Variants in GOLM2 observed in about 807,000 individuals in gnomAD.
GOLM2 encodes golgi membrane protein 2.
A neutral mutation model predicts 55.9 loss-of-function variants in GOLM2; 26 were observed. The observed-to-expected ratio is 0.47, with a 90% CI of 0.34 to 0.65. GOLM2 has a LOEUF of 0.65. GOLM2 is among the 30% of genes least tolerant of loss of function. The probability of loss-of-function intolerance (pLI) is 0.01; values close to 1 mark genes in which losing one functional copy is unlikely to be tolerated. For synonymous variants in GOLM2, 165 were observed against 194.6 expected (o/e 0.85, Z 1.27); for missense variants, 486 against 531.8 (o/e 0.91, Z 0.85).
intron 8 of GOLM2, chr15:44,387,494 G>A (rs542686619): frequency 2.6e-5 from 4 of 152,136 alleles, no homozygotes; most frequent in Non-Finnish European, 4.4e-5. Flanking sequence ...CTGGCCTGAT[G>A]GCTCATGCCT....
chr15:44,365,554 A>G (rs1003744953), intron 6 of GOLM2, among the ~76,000 whole-genome samples: 3 of 152,252 alleles, frequency 2.0e-5, no homozygotes, highest in East Asian at 3.9e-4. Context: ...TTAAATGCAT[A>G]TTACTAAATG....
intron 2 of GOLM2, 53 bp from the exon 3 acceptor site, chr15:44,328,632 A>G: frequency 8.4e-7 from 1 of 1,185,460 alleles, no homozygotes; most frequent in Non-Finnish European, 1.2e-6. Flanking sequence ...TCTGAATAGG[A>G]AGCATTACAA....
At chr15:44,403,176 CT>C in intron 9 of GOLM2, 122 bp downstream of exon 9, 1 of 1,167,200 alleles carries the variant, frequency 8.6e-7, no homozygotes, top group Non-Finnish European at 1.2e-6. Flanking sequence ...TTTGTTTTTT[CT>C]TTGTGACGGA....
At chr15:44,337,694 A>G in intron 4 of GOLM2, 69 bp from the exon 5 acceptor site, 1 of 1,133,128 alleles carries the variant, frequency 8.8e-7, no homozygotes, top group Non-Finnish European at 1.2e-6. Flanking sequence ...CAGAACATTT[A>G]ATTAATAGTT....
chr15:44,313,000 A>G (rs2078884573), intron 1 of GOLM2, among the ~76,000 whole-genome samples: 1 of 151,934 alleles, frequency 6.6e-6, no homozygotes, highest in African/African-American at 2.4e-5. Context: ...AATCATTTGA[A>G]CTCAGGAGGC....
chr15:44,304,747 G>A (rs1230838956), intron 1 of GOLM2, among the ~76,000 whole-genome samples: 3 of 152,124 alleles, frequency 2.0e-5, no homozygotes, highest in African/African-American at 4.8e-5. Context: ...GTAGACCAGG[G>A]TCTTGCTATG....
chr15:44,291,065 A>AGTGCT (rs963828175), intron 1 of GOLM2, among the ~76,000 whole-genome samples: 3 of 147,626 alleles, frequency 2.0e-5, no homozygotes, highest in African/African-American at 7.5e-5. Context: ...AGCCTCCCAA[A>AGTGCT]GTGCTGGGAT....
chr15:44,295,732 C>T (rs934405568), intron 1 of GOLM2, among the ~76,000 whole-genome samples: 10 of 152,248 alleles, frequency 6.6e-5, no homozygotes, highest in African/African-American at 2.4e-4. Flanking sequence ...TGCACACATC[C>T]TTGGTGTCTT....
rs547966763 is a variant in GOLM2 at position 44,324,639 on chromosome 15, A to G, written c.382+1620A>G. Among the ~76,000 whole-genome samples, 231 of 152,238 alleles carry G rather than the reference A, an allele frequency of 1.5e-3. 1 individual carries two copies. The highest frequency in any genetic ancestry group is 5.2e-3 in the African/African-American group (214 of 41,550). On this transcript the variant is annotated intron_variant, in intron 2 of 9. Transcript: ENST00000299957. Reference sequence around the variant, plus strand: ...AAATAAAGGAAAGTTGGTTTTTTCAATCATTGAGGTAATAAATTGACATTC... The same window carrying G: ...AAATAAAGGAAAGTTGGTTTTTTCAGTCATTGAGGTAATAAATTGACATTC...
In GOLM2 at chr15:44,289,088, T is replaced by G; in HGVS notation, c.59T>G (p.Val20Gly). 2 of 1,614,074 alleles carry G rather than the reference T, an allele frequency of 1.2e-6. No homozygotes were observed. Residue 20 changes from valine (V) to glycine (G), a missense_variant, in exon 1 of 10, where the codon GTG (valine) becomes GGG (glycine). Physicochemically the swap from Val to Gly is moderately radical, Grantham distance 109. Coordinates refer to ENST00000299957, the MANE Select transcript of GOLM2 (RefSeq NM_138423.4). This position sits in a 1 kb window ranked among gnomAD's most constrained non-coding sequence, Gnocchi z 4.8. Reference sequence around the variant, plus strand: ...CGCCTGCCCTCTCTCGTGCTGGTGGTGCTGCTGGTGGTGATCGTCGTCCTC... The same window carrying G: ...CGCCTGCCCTCTCTCGTGCTGGTGGGGCTGCTGGTGGTGATCGTCGTCCTC... Reference protein sequence around the residue: ...AGRLPSLVLVVLLVVIVVLAF... With the variant: ...AGRLPSLVLVGLLVVIVVLAF...
intron 6 of GOLM2, among the ~76,000 whole-genome samples, chr15:44,342,815 T>G (rs2079098274): frequency 6.6e-6 from 1 of 152,228 alleles, no homozygotes; most frequent in African/African-American, 2.4e-5. Flanking sequence ...AGTAAATGTG[T>G]ATGGTTGAAT....
chr15:44,332,636 A>G lies in GOLM2; in HGVS notation c.576+558A>G, dbSNP rs1595630824. On this transcript the variant is annotated intron_variant, in intron 4 of 9. Coordinates refer to ENST00000299957, the MANE Select transcript of GOLM2 (RefSeq NM_138423.4). Reference sequence around the variant, plus strand: ...AAAAAATAATTTTTGTTGTTAATATATTTCTCAGATTGTAAAGTGGGCAAC... The same window carrying G: ...AAAAAATAATTTTTGTTGTTAATATGTTTCTCAGATTGTAAAGTGGGCAAC... 2.0e-5 allele frequency among the ~76,000 whole-genome samples: 3 copies of G among 152,228 alleles called. No individual in the cohort carries two copies. The South Asian group carries it at 6.2e-4, about 32-fold the overall frequency.
chr15:44,326,528 A>G (rs1357484349), intron 2 of GOLM2, among the ~76,000 whole-genome samples: 1 of 151,834 alleles, frequency 6.6e-6, no homozygotes, highest in Non-Finnish European at 1.5e-5. Flanking sequence ...TCCTACTGTC[A>G]GACACATTCA....
intron 9 of GOLM2, 51 bp downstream of exon 9, chr15:44,403,105 T>G (rs574180949): frequency 6.2e-7 from 1 of 1,602,458 alleles, no homozygotes; most frequent in African/African-American, 1.3e-5. Context: ...CACCTCTAAG[T>G]TTTTTGGTTG....
intron 1 of GOLM2, among the ~76,000 whole-genome samples, chr15:44,310,502 CCACACACA>C (rs34821071): frequency 2.4e-5 from 3 of 124,692 alleles, no homozygotes; most frequent in Admixed American, 1.6e-4. Context: ...ACACACACAC[CCACACACA>C]CACACACACA....
chr15:44,359,931 A>C (rs550507974), intron 6 of GOLM2, among the ~76,000 whole-genome samples: 2 of 152,086 alleles, frequency 1.3e-5, no homozygotes, highest in Non-Finnish European at 2.9e-5. Context: ...TTCAACCCAG[A>C]ATTTCATATC....
intron 8 of GOLM2, among the ~76,000 whole-genome samples, chr15:44,388,408 G>T (rs2079463306): frequency 6.6e-6 from 1 of 152,040 alleles, no homozygotes; most frequent in South Asian, 2.1e-4. Context: ...TGGCACAGTG[G>T]CCCATGCCTG....
At position 44,415,212 on chromosome 15, in the gene GOLM2, A is replaced by C. The variant is rs1184826286; in HGVS notation, c.*1806A>C. 1 of 152,664 alleles carries C rather than the reference A, an allele frequency of 6.6e-6. No individual in the cohort carries two copies. The highest frequency in any genetic ancestry group is 1.5e-5 in the Non-Finnish European group (1 of 68,044). 9.5% of individuals were successfully genotyped at this position (152,664 alleles called of 1,614,324 possible). A position where few individuals can be genotyped will look rare whatever the true frequency, so the allele number is the denominator to read the frequency against. On this transcript the variant is annotated 3_prime_UTR_variant, in exon 10 of 10. Coordinates refer to ENST00000299957, the MANE Select transcript of GOLM2 (RefSeq NM_138423.4). ...TCTACCATATCAAATTAAACAATTC[A>C]TGCCTTTATAGGGTCAGGCCTACAA...
intron 1 of GOLM2, among the ~76,000 whole-genome samples, chr15:44,319,942 A>G (rs2078938113): frequency 6.6e-6 from 1 of 152,316 alleles, no homozygotes; most frequent in South Asian, 2.1e-4. Context: ...GTACCATAAA[A>G]TTTATCCTGT....
Sources: gnomAD v4.1 joint callset for allele counts (sites outside exome capture counted in the v4.1 genomes callset) on GRCh38, gnomAD v4.1.1 for gene constraint, Gnocchi (gnomAD v3.1) non-coding constraint, MANE v1.5 for transcripts, NCBI Gene and HGNC (gene_info 2026-07-23, HGNC 2026-07-21) for gene names.